Variants in RALYL observed in about 807,000 individuals in gnomAD.
RALYL encodes the protein RALY RNA binding protein like.
RALYL carries 29 observed loss-of-function variants against 35.1 expected under a neutral mutation model. That is an observed-to-expected ratio of 0.83 (90% confidence interval 0.61 to 1.13). RALYL has a LOEUF of 1.13. Among genes scored for constraint, RALYL ranks in the 50% most tolerant of loss-of-function variants. The probability of loss-of-function intolerance (pLI) is 0.00; values close to 1 mark genes in which losing one functional copy is unlikely to be tolerated. For missense variants in RALYL, 359 were observed against 360.4 expected (o/e 1.00, Z 0.03); for synonymous variants, 120 against 127.6 (o/e 0.94, Z 0.40).
intron 2 of RALYL, among the ~76,000 whole-genome samples, chr8:84,765,881 A>G (rs1165976855): frequency 1.3e-5 from 2 of 151,920 alleles, no homozygotes; most frequent in Non-Finnish European, 2.9e-5. Flanking sequence ...CTTTTAACCA[A>G]TTATTTCAGA....
At chr8:84,495,539 G>A (rs2055905479) in intron 1 of RALYL, among the ~76,000 whole-genome samples, 1 of 152,040 alleles carries the variant, frequency 6.6e-6, no homozygotes, top group African/African-American at 2.4e-5. Flanking sequence ...TAAAAAATGT[G>A]CAGATTTCAT....
chr8:84,629,838 A>G (rs1823548759), intron 2 of RALYL, among the ~76,000 whole-genome samples: 1 of 152,052 alleles, frequency 6.6e-6, no homozygotes, highest in Admixed American at 6.6e-5. Flanking sequence ...GCATTTTTGG[A>G]TGAAAAACCA....
intron 4 of RALYL, among the ~76,000 whole-genome samples, chr8:84,842,860 G>T (rs1038942387): frequency 6.6e-6 from 1 of 152,032 alleles, no homozygotes; most frequent in South Asian, 2.1e-4. Context: ...AGAACCGATG[G>T]CAAAAACCTC....
chr8:84,184,918 G>T (rs985688459), intron 1 of RALYL: 23 of 1,564,044 alleles, frequency 1.5e-5, no homozygotes, highest in African/African-American at 2.7e-5. Flanking sequence ...CAGGCCACGC[G>T]AGCCGGAGCT....
chr8:84,797,181 T>C (rs185051904), intron 3 of RALYL, among the ~76,000 whole-genome samples: 1 of 152,204 alleles, frequency 6.6e-6, no homozygotes, highest in South Asian at 2.1e-4. Flanking sequence ...AAGAAACGCA[T>C]GCACAAAACA....
chr8:84,447,261 G>A (rs1022447228), intron 1 of RALYL, among the ~76,000 whole-genome samples: 12 of 152,046 alleles, frequency 7.9e-5, no homozygotes, highest in Non-Finnish European at 1.8e-4. Context: ...GACTCTTCTA[G>A]GGAGCAGCTG....
intron 2 of RALYL, among the ~76,000 whole-genome samples, chr8:84,703,366 A>G (rs1840560791): frequency 6.6e-6 from 1 of 152,146 alleles, no homozygotes; most frequent in South Asian, 2.1e-4. Flanking sequence ...CAGCCCTGAT[A>G]TAAGGTCTGG....
intron 2 of RALYL, among the ~76,000 whole-genome samples, chr8:84,619,667 T>G (rs1047906998): frequency 2.0e-5 from 3 of 151,316 alleles, no homozygotes; most frequent in Non-Finnish European, 2.9e-5. Context: ...GCTCGTTAGT[T>G]GATGCAGTTA....
intron 1 of RALYL, among the ~76,000 whole-genome samples, chr8:84,234,309 A>G (rs1440277134): frequency 6.6e-6 from 1 of 151,832 alleles, no homozygotes; most frequent in East Asian, 1.9e-4. Context: ...TCTTTTGTAG[A>G]AAGCTCTGTA....
At chr8:84,608,318 G>A (rs901769516) in intron 2 of RALYL, among the ~76,000 whole-genome samples, 2 of 152,262 alleles carry the variant, frequency 1.3e-5, no homozygotes, top group East Asian at 3.9e-4. Context: ...TGTCCCTGCA[G>A]GGAGACATGG....
intron 1 of RALYL, among the ~76,000 whole-genome samples, chr8:84,420,298 G>A (rs1212265187): frequency 1.3e-5 from 2 of 152,272 alleles, no homozygotes; most frequent in Non-Finnish European, 2.9e-5. Flanking sequence ...GATGGCCACT[G>A]ATGATGAGCA....
chr8:84,497,630 G>GTTT (rs1181968193), intron 1 of RALYL, among the ~76,000 whole-genome samples: 11 of 119,150 alleles, frequency 9.2e-5, no homozygotes, highest in African/African-American at 3.5e-4. Context: ...TTTTTTTGTT[G>GTTT]TTTTTGTTTT....
At chr8:84,759,233 A>T (rs1236030493) in intron 2 of RALYL, among the ~76,000 whole-genome samples, 1 of 152,124 alleles carries the variant, frequency 6.6e-6, no homozygotes, top group South Asian at 2.1e-4. Context: ...GTAATGTAAC[A>T]TATTTACAGG....
intron 2 of RALYL, among the ~76,000 whole-genome samples, chr8:84,702,279 G>T (rs980461732): frequency 6.6e-6 from 1 of 152,010 alleles, no homozygotes; most frequent in Non-Finnish European, 1.5e-5. Flanking sequence ...GCCCTTTTAG[G>T]TAAGTTTCCC....
chr8:84,399,216 G>A (rs1387280446), intron 1 of RALYL, among the ~76,000 whole-genome samples: 4 of 152,112 alleles, frequency 2.6e-5, no homozygotes, highest in Non-Finnish European at 5.9e-5. Flanking sequence ...TTTATTAATT[G>A]CTATATGATA....
intron 1 of RALYL, among the ~76,000 whole-genome samples, chr8:84,200,543 G>T (rs1816603487): frequency 6.6e-6 from 1 of 152,116 alleles, no homozygotes; most frequent in African/African-American, 2.4e-5. Context: ...TTAACTATTT[G>T]CAAATAAGAG....
At chr8:84,186,673 G>T (rs1292940483) in intron 1 of RALYL, among the ~76,000 whole-genome samples, 1 of 152,176 alleles carries the variant, frequency 6.6e-6, no homozygotes, top group Non-Finnish European at 1.5e-5. Context: ...ATTTTAATGT[G>T]AGGACAGAGA....
intron 1 of RALYL, among the ~76,000 whole-genome samples, chr8:84,526,234 C>T (rs144680196): frequency 0.016 from 2,371 of 152,130 alleles, 62 homozygotes; most frequent in African/African-American, 0.054. Context: ...GGATTACAGG[C>T]GTGAACTACC....
At chr8:84,511,349 T>C (rs1261571430) in intron 1 of RALYL, among the ~76,000 whole-genome samples, 1 of 152,214 alleles carries the variant, frequency 6.6e-6, no homozygotes, top group Non-Finnish European at 1.5e-5. Flanking sequence ...AGTGAATTAA[T>C]AATGTCAAGT....
Sources: allele counts gnomAD v4.1 joint callset (sites outside exome capture counted in the v4.1 genomes callset), GRCh38; gene constraint gnomAD v4.1.1; transcripts MANE v1.5; gene names NCBI Gene and HGNC (gene_info 2026-07-23, HGNC 2026-07-21).